The following FOXP2 variants were observed in gnomAD, a reference collection of about 807,000 sequenced individuals.
The protein encoded by FOXP2 is forkhead box protein P2.
A neutral mutation model predicts 115.8 loss-of-function variants in FOXP2; 12 were observed. The observed-to-expected ratio is 0.10, with a 90% confidence interval of 0.07 to 0.17. The LOEUF is 0.17. FOXP2 is among the 10% of genes least tolerant of loss of function. The pLI, the probability that FOXP2 is intolerant of heterozygous loss-of-function variation, is 1.00. For missense variants in FOXP2, 629 were observed against 843.5 expected, an observed-to-expected ratio of 0.75 and a Z score of 3.15; for synonymous variants, 328 against 297.7, an observed-to-expected ratio of 1.10 and a Z score of -1.05.
chr7:114,579,353 G>C (rs1238635334), intron 3 of FOXP2, among the ~76,000 whole-genome samples: 3 of 152,146 alleles, frequency 2.0e-5, no homozygotes, highest in Non-Finnish European at 4.4e-5. Context: ...CATAGCACTA[G>C]TGATAGAAAT....
At chr7:114,419,964 G>C (rs1793544404) in intron 1 of FOXP2, 2 of 151,982 alleles carry the variant, frequency 1.3e-5, no homozygotes, top group African/African-American at 2.4e-5. Flanking sequence ...GTCTGCTGAG[G>C]AGCAGTATTA....
chr7:114,678,698 C>T (rs1390958931), intron 16 of FOXP2, among the ~76,000 whole-genome samples: 1 of 151,932 alleles, frequency 6.6e-6, no homozygotes, highest in African/African-American at 2.4e-5. Context: ...CCGGAGACCA[C>T]ACATCAATGT....
At chr7:114,323,501 T>A (rs1797479544) in intron 2 of FOXP2, among the ~76,000 whole-genome samples, 1 of 152,016 alleles carries the variant, frequency 6.6e-6, no homozygotes, top group Non-Finnish European at 1.5e-5. Context: ...AAGAGTGAGT[T>A]GCTGAAAAGA....
rs148260984 is a variant in FOXP2 at position 114,444,083 on chromosome 7, T to A, written c.168+17404T>A. ...TTAAATCCTAAGCTAGAATGTAAGA[T>A]GTTTGAGGCCAATGCTAAAACATAT... On this transcript the variant is annotated intron_variant, in intron 2 of 16. Transcript: ENST00000350908. Among the ~76,000 whole-genome samples, 13 of 152,300 alleles carry A rather than the reference T, an allele frequency of 8.5e-5. No individual in the cohort carries two copies. In the East Asian group the frequency reaches 2.3e-3, roughly 27 times the overall value.
chr7:114,377,161 G>T (rs1792161447), intron 2 of FOXP2, among the ~76,000 whole-genome samples: 1 of 152,112 alleles, frequency 6.6e-6, no homozygotes, highest in African/African-American at 2.4e-5. Context: ...AAGAGTGATG[G>T]ATGGTGACAT....
intron 3 of FOXP2, among the ~76,000 whole-genome samples, chr7:114,582,812 C>T (rs1051645584): frequency 7.2e-5 from 11 of 152,070 alleles, no homozygotes; most frequent in African/African-American, 2.7e-4. Flanking sequence ...ATGATAGTTT[C>T]TTTTTTACTG....
At chr7:114,434,352 C>T (rs748287084) in intron 2 of FOXP2, among the ~76,000 whole-genome samples, 9 of 148,728 alleles carry the variant, frequency 6.1e-5, no homozygotes, top group Admixed American at 2.0e-4. Flanking sequence ...TGCCTAACTC[C>T]TAAATTTAGA....
At chr7:114,269,613 A>G (rs1795986069) in intron 1 of FOXP2, among the ~76,000 whole-genome samples, 1 of 152,048 alleles carries the variant, frequency 6.6e-6, no homozygotes, top group South Asian at 2.1e-4. Flanking sequence ...TTAATGTATA[A>G]ATAACATGAT....
chr7:114,225,836 T>A (rs1794733191), intron 1 of FOXP2, among the ~76,000 whole-genome samples: 1 of 152,188 alleles, frequency 6.6e-6, no homozygotes, highest in Non-Finnish European at 1.5e-5. Context: ...CACTAAGTTG[T>A]TCTTCCACCC....
intron 1 of FOXP2, among the ~76,000 whole-genome samples, chr7:114,150,098 C>G (rs1444891608): frequency 2.0e-5 from 3 of 151,920 alleles, no homozygotes; most frequent in Non-Finnish European, 4.4e-5. Context: ...TATCGATAAG[C>G]TTTATTTAGT....
intron 1 of FOXP2, among the ~76,000 whole-genome samples, chr7:114,231,362 A>G (rs1228783642): frequency 6.6e-6 from 1 of 152,184 alleles, no homozygotes; most frequent in Non-Finnish European, 1.5e-5. Context: ...ACAGATATAG[A>G]ACAAGCAATT....
At chr7:114,649,252 G>A (rs1563058572) in intron 8 of FOXP2, among the ~76,000 whole-genome samples, 1 of 151,982 alleles carries the variant, frequency 6.6e-6, no homozygotes, top group East Asian at 1.9e-4. Flanking sequence ...ACCCCACTTG[G>A]TCCTTTTGAA....
intron 1 of FOXP2, among the ~76,000 whole-genome samples, chr7:114,261,905 A>C (rs1795762635): frequency 6.6e-6 from 1 of 152,018 alleles, no homozygotes; most frequent in Non-Finnish European, 1.5e-5. Context: ...TAAAAATACA[A>C]AAATTAGCTG....
At chr7:114,304,326 A>T (rs1487039100) in intron 2 of FOXP2, among the ~76,000 whole-genome samples, 1 of 151,994 alleles carries the variant, frequency 6.6e-6, no homozygotes, top group Admixed American at 6.6e-5. Context: ...AGAATAAATA[A>T]AATGTGTTAA....
intron 16 of FOXP2, among the ~76,000 whole-genome samples, chr7:114,680,771 A>G (rs539786168): frequency 1.3e-5 from 2 of 152,106 alleles, no homozygotes; most frequent in South Asian, 4.1e-4. Context: ...AGTTGAAGAA[A>G]GTAGTGCATA....
intron 3 of FOXP2, among the ~76,000 whole-genome samples, chr7:114,543,432 T>C (rs900291751): frequency 1.2e-4 from 18 of 152,242 alleles, no homozygotes; most frequent in Non-Finnish European, 2.2e-4. Flanking sequence ...TCTTGTATAC[T>C]GTCCTTGGTT....
intron 2 of FOXP2, among the ~76,000 whole-genome samples, chr7:114,378,684 CAAAAAAAAA>C (rs398005920): frequency 5.5e-5 from 1 of 18,094 alleles, no homozygotes; most frequent in African/African-American, 1.9e-4. Flanking sequence ...ACCCTGTCTC[CAAAAAAAAA>C]AAAAAAAAGG....
At chr7:114,446,316 T>C (rs1429492474) in intron 2 of FOXP2, among the ~76,000 whole-genome samples, 1 of 151,978 alleles carries the variant, frequency 6.6e-6, no homozygotes, top group Non-Finnish European at 1.5e-5. Flanking sequence ...CCATAATTAA[T>C]TATACTATAT....
rs576901873 is a variant in FOXP2 at position 114,415,245 on chromosome 7, C to T, written c.-126C>T. ...CAGTGAGCTAGCTTCTGAGTTTTCC[C>T]TTCTTTTTATACTGTTTTCTGTGCT... On this transcript the variant is annotated 5_prime_UTR_variant, in exon 1 of 17. Transcript: ENST00000350908. The T allele has an allele frequency of 4.4e-6, 2 of 453,886 alleles. No individual in the cohort carries two copies. Among genetic ancestry groups the T allele is most frequent in the African/African-American group, 4.0e-5 (2 of 50,064 alleles). 28.1% of individuals were successfully genotyped at this position (453,886 alleles called of 1,614,324 possible). A position where few individuals can be genotyped will look rare whatever the true frequency, so the allele number is the denominator to read the frequency against.
Sources: gnomAD v4.1 joint callset for allele counts (sites outside exome capture counted in the v4.1 genomes callset) on GRCh38, gnomAD v4.1.1 for gene constraint, MANE v1.5 for transcripts, NCBI Gene and HGNC (gene_info 2026-07-23, HGNC 2026-07-21) for gene names.